The following LRRC7 variants were observed in gnomAD, a reference collection of about 807,000 sequenced individuals.
LRRC7 encodes the protein leucine rich repeat containing 7, also known as leucine-rich repeat-containing protein 7.
LRRC7 carries 23 observed loss-of-function variants against 175.7 expected under a neutral mutation model. That is an observed-to-expected ratio of 0.13 (90% CI 0.09 to 0.19). The LOEUF (loss-of-function observed/expected upper bound fraction) is 0.19, where lower values mean the gene tolerates loss of function less well. LRRC7 is among the 10% of genes least tolerant of loss of function. The probability of loss-of-function intolerance (pLI) is 1.00; values close to 1 mark genes in which losing one functional copy is unlikely to be tolerated. For synonymous variants in LRRC7, 685 were observed against 680.9 expected, an observed-to-expected ratio of 1.01 and a Z score of -0.09; for missense variants, 1,354 against 1,904.7, an observed-to-expected ratio of 0.71 and a Z score of 5.38.
chr1:70,007,509 G>A (rs1656096264), intron 11 of LRRC7, among the ~76,000 whole-genome samples: 1 of 152,034 alleles, frequency 6.6e-6, no homozygotes, highest in African/African-American at 2.4e-5. Flanking sequence ...GAAAAAAATA[G>A]TAAAACTAAT....
rs1365153156 is a variant in LRRC7, at chr1:69,991,524, CT to C, written c.932-3036del. Reference sequence around the variant, plus strand: ...GATTCTAAATGTAGAGTAGCTGACTCTCCTCAGAGAATTCCCTTTCTTGGTC... The same window carrying C: ...GATTCTAAATGTAGAGTAGCTGACTCCCTCAGAGAATTCCCTTTCTTGGTC... On this transcript the variant is annotated intron_variant, in intron 10 of 26. Coordinates refer to ENST00000651989, the MANE Select transcript of LRRC7 (RefSeq NM_001370785.2). 2.8e-4 allele frequency among the ~76,000 whole-genome samples: 42 copies of C among 152,244 alleles called. No homozygotes were observed. The Middle Eastern group carries it at 0.01, about 37-fold the overall frequency.
chr1:70,112,008 T>C (rs1306188712), intron 26 of LRRC7, among the ~76,000 whole-genome samples: 3 of 152,214 alleles, frequency 2.0e-5, no homozygotes, highest in Non-Finnish European at 2.9e-5. Flanking sequence ...TTAAGGGTTT[T>C]GGAATTTGCA....
intron 2 of LRRC7, among the ~76,000 whole-genome samples, chr1:69,737,591 A>C (rs2100840449): frequency 6.6e-6 from 1 of 152,204 alleles, no homozygotes; most frequent in South Asian, 2.1e-4. Context: ...GCAGAGTGAC[A>C]TCAGGTAGAC....
chr1:69,732,559 A>C (rs1667690567), intron 2 of LRRC7, among the ~76,000 whole-genome samples: 1 of 151,958 alleles, frequency 6.6e-6, no homozygotes, highest in Admixed American at 6.6e-5. Context: ...ATTTTTTTTA[A>C]GTTTCATATG....
At chr1:69,772,777 T>C (rs1211528007) in intron 3 of LRRC7, among the ~76,000 whole-genome samples, 3 of 152,144 alleles carry the variant, frequency 2.0e-5, no homozygotes, top group Non-Finnish European at 4.4e-5. Flanking sequence ...AAAGGAAATT[T>C]AGAAAGAGTT....
At chr1:69,623,201 A>G (rs1198323124) in intron 1 of LRRC7, among the ~76,000 whole-genome samples, 7 of 152,234 alleles carry the variant, frequency 4.6e-5, no homozygotes, top group Admixed American at 2.6e-4. Flanking sequence ...AACCACAGGA[A>G]CATGACCTTA....
intron 7 of LRRC7, among the ~76,000 whole-genome samples, chr1:69,921,663 T>C (rs145813954): frequency 8.5e-5 from 13 of 152,302 alleles, no homozygotes; most frequent in African/African-American, 3.1e-4. Context: ...TTCAAAACAG[T>C]CTGTTATCTG....
At chr1:69,813,139 C>T (rs917316048) in intron 4 of LRRC7, among the ~76,000 whole-genome samples, 1 of 152,144 alleles carries the variant, frequency 6.6e-6, no homozygotes, top group African/African-American at 2.4e-5. Flanking sequence ...TCATGCACTT[C>T]TCCACAACAT....
chr1:69,749,669 C>A (rs946998101), intron 2 of LRRC7, among the ~76,000 whole-genome samples: 1 of 151,864 alleles, frequency 6.6e-6, no homozygotes, highest in Non-Finnish European at 1.5e-5. Context: ...TAAGTTTTAC[C>A]ATAGATTGGT....
At chr1:70,058,906 T>G (rs960901220) in intron 23 of LRRC7, among the ~76,000 whole-genome samples, 7 of 152,224 alleles carry the variant, frequency 4.6e-5, no homozygotes, top group Non-Finnish European at 1.0e-4. Context: ...AAAATGATAC[T>G]CTTTTAAAAG....
Position 69,846,463 on chromosome 1 carries a change from C to T in LRRC7, c.647+8180C>T, listed in dbSNP as rs573608384. Among the ~76,000 whole-genome samples the T allele has an allele frequency of 2.0e-4, 31 of 151,936 alleles. No individual in the cohort carries two copies. The South Asian group carries it at 6.3e-3, about 31-fold the overall frequency. On this transcript the variant is annotated intron_variant, in intron 7 of 26. Transcript: ENST00000651989. Reference sequence around the variant, plus strand: ...TTTACCAAAAGATAAAAACTGCCTGCAGTAACAGTGAGGCTGAAAGCACTC... The same window carrying T: ...TTTACCAAAAGATAAAAACTGCCTGTAGTAACAGTGAGGCTGAAAGCACTC...
At chr1:69,629,976 T>A (rs1219198039) in intron 1 of LRRC7, among the ~76,000 whole-genome samples, 1 of 152,126 alleles carries the variant, frequency 6.6e-6, no homozygotes, top group Non-Finnish European at 1.5e-5. Flanking sequence ...AATTTATCAA[T>A]TTCTTGTCAC....
At chr1:69,918,049 C>T in intron 7 of LRRC7, among the ~76,000 whole-genome samples, 1 of 152,148 alleles carries the variant, frequency 6.6e-6, no homozygotes. Flanking sequence ...GTTTGTTGTT[C>T]CTTCTTCTGT....
At chr1:69,853,530 G>A (rs886447236) in intron 7 of LRRC7, among the ~76,000 whole-genome samples, 1 of 151,898 alleles carries the variant, frequency 6.6e-6, no homozygotes, top group African/African-American at 2.4e-5. Flanking sequence ...GCCCACCTTG[G>A]CCTCCCAAAG....
intron 8 of LRRC7, among the ~76,000 whole-genome samples, chr1:69,956,732 G>A (rs1031371742): frequency 6.6e-6 from 1 of 151,358 alleles, no homozygotes; most frequent in African/African-American, 2.4e-5. Flanking sequence ...CATATTCAGG[G>A]TAATAAAACT....
Position 70,038,997 on chromosome 1 carries a change from A to G in LRRC7, c.3173A>G (p.Lys1058Arg), listed in dbSNP as rs1394643961. 1.2e-6 allele frequency: 2 copies of G among 1,613,928 alleles called. No homozygotes were observed. Among genetic ancestry groups the G allele is most frequent in the Non-Finnish European group, 1.7e-6 (2 of 1,179,972 alleles). The change falls in exon 21 of 27, where the codon AAA (lysine) becomes AGA (arginine). Residue 1058 changes from lysine (K) to arginine (R), a missense_variant. By Grantham distance (26) the Lys-to-Arg change is conservative. Around this residue, in one of 4 missense-constraint regions of LRRC7, gnomAD observed 1,032 missense variants for 1,227.2 expected, o/e 0.84. Coordinates refer to ENST00000651989, the MANE Select transcript of LRRC7 (RefSeq NM_001370785.2). ...YGSSKGPQQQ[K>R]ASMTKKVYQF... ...AGTAGTAAGGGGCCACAACAACAAAAAGCTTCTATGACAAAAAAAGTCTAT... is the reference window on the plus strand; with the variant it reads ...AGTAGTAAGGGGCCACAACAACAAAGAGCTTCTATGACAAAAAAAGTCTAT...
intron 2 of LRRC7, among the ~76,000 whole-genome samples, chr1:69,686,052 G>T (rs1468247832): frequency 6.6e-6 from 1 of 152,072 alleles, no homozygotes; most frequent in Non-Finnish European, 1.5e-5. Flanking sequence ...CAATTAAAAT[G>T]ACAGTATATT....
At chr1:69,909,465 G>C (rs1386824439) in intron 7 of LRRC7, among the ~76,000 whole-genome samples, 1 of 152,048 alleles carries the variant, frequency 6.6e-6, no homozygotes, top group East Asian at 1.9e-4. Flanking sequence ...GGGCAGGCCT[G>C]GGGGTGACAA....
In LRRC7 at chr1:70,130,026, C is replaced by G. The variant is rs545117113; in HGVS notation, c.*8139C>G. On this transcript the variant is annotated 3_prime_UTR_variant, in exon 27 of 27. Transcript: ENST00000651989. Reference sequence around the variant, plus strand: ...TAAAATCATATGCAGCCTTCAGAGCCCAGCTCAAACAGCACTAGAACCATG... The same window carrying G: ...TAAAATCATATGCAGCCTTCAGAGCGCAGCTCAAACAGCACTAGAACCATG... 6 of 152,276 alleles carry G rather than the reference C, an allele frequency of 3.9e-5. No homozygotes were observed. Among genetic ancestry groups the G allele is most frequent in the African/African-American group, 1.4e-4 (6 of 41,546 alleles). 9.4% of individuals were successfully genotyped at this position (152,276 alleles called of 1,614,324 possible). A position where few individuals can be genotyped will look rare whatever the true frequency, so the allele number is the denominator to read the frequency against.
Sources: gnomAD v4.1 joint callset for allele counts (sites outside exome capture counted in the v4.1 genomes callset) on GRCh38, gnomAD v4.1.1 for gene constraint, gnomAD v4.1.1 regional missense constraint, MANE v1.5 for transcripts, NCBI Gene and HGNC (gene_info 2026-07-23, HGNC 2026-07-21) for gene names.